Variants in MED1 observed in about 807,000 individuals in gnomAD.
The protein encoded by MED1 is mediator complex subunit 1, also known as mediator of RNA polymerase II transcription subunit 1.
Under a neutral mutation model 121.3 loss-of-function variants are expected in MED1, and 17 were observed. The ratio of observed to expected loss-of-function variants is 0.14; its 90% CI spans 0.10 to 0.21. The LOEUF is 0.21. MED1 is among the 10% of genes least tolerant of loss of function. MED1 has a pLI of 1.00. For synonymous variants in MED1, 661 were observed against 694.4 expected (o/e 0.95, Z 0.76); for missense variants, 1,558 against 1,919.4 (o/e 0.81, Z 3.52).
At chr17:39,434,397 C>A in intron 6 of MED1, 77 bp from the exon 7 acceptor site, 2 of 714,520 alleles carry the variant, frequency 2.8e-6, no homozygotes, top group Non-Finnish European at 4.6e-6. Context: ...CAACAAAGTG[C>A]CAAAAATCAC....
Position 39,410,330 on chromosome 17 carries a change from G to A in MED1, c.1891C>T (p.Pro631Ser), listed in dbSNP as rs202002635. The change falls in exon 17 of 17, where the codon CCT becomes TCT. Residue 631 changes from proline (P) to serine (S), a missense_variant. By Grantham distance (74) the Pro-to-Ser change is moderately conservative. Transcript: ENST00000300651. Reference sequence around the variant, plus strand: ...GTGTTGCCGGCCATCGAAGAGACAGGTGGCGGCGTGTGATGAGGAGGGGTC... The same window carrying A: ...GTGTTGCCGGCCATCGAAGAGACAGATGGCGGCGTGTGATGAGGAGGGGTC... ...SPTPPHHTPP[P>S]VSSMAGNTKN... The A allele has an allele frequency of 1.2e-6, 2 of 1,613,954 alleles. No individual in the cohort carries two copies. The highest frequency in any genetic ancestry group is 1.7e-6 in the Non-Finnish European group (2 of 1,179,988).
chr17:39,436,639 A>T (rs913265672), intron 6 of MED1, among the ~76,000 whole-genome samples: 1 of 152,184 alleles, frequency 6.6e-6, no homozygotes, highest in African/African-American at 2.4e-5. Flanking sequence ...TGTAACACAC[A>T]TGTACCTTCT....
chr17:39,415,172 TTC>T (rs1567641393), intron 15 of MED1, 41 bp from the exon 16 acceptor site: 1 of 1,608,104 alleles, frequency 6.2e-7, no homozygotes. Context: ...TAGATTTAGC[TTC>T]TGACTTTTCC....
intron 16 of MED1, among the ~76,000 whole-genome samples, chr17:39,412,819 AC>A (rs1567640384): frequency 6.6e-6 from 1 of 151,522 alleles, no homozygotes; most frequent in African/African-American, 2.4e-5. Flanking sequence ...TACAGGGGTG[AC>A]CCCCGCACCC....
intron 6 of MED1, among the ~76,000 whole-genome samples, chr17:39,438,742 G>A (rs2048643888): frequency 1.3e-5 from 2 of 152,066 alleles, no homozygotes; most frequent in Admixed American, 6.6e-5. Flanking sequence ...CAAAGTGCTG[G>A]GATTACAGGC....
intron 16 of MED1, among the ~76,000 whole-genome samples, chr17:39,412,142 CT>C (rs1407547250): frequency 6.6e-6 from 1 of 151,056 alleles, no homozygotes; most frequent in Non-Finnish European, 1.5e-5. Context: ...AAGCAAAGCA[CT>C]TTTTATTTTC....
intron 2 of MED1, among the ~76,000 whole-genome samples, chr17:39,444,894 C>CA (rs1032996278): frequency 6.6e-6 from 1 of 150,822 alleles, no homozygotes; most frequent in African/African-American, 2.4e-5. Flanking sequence ...AACAAACAAA[C>CA]AAAAAAAAAC....
At chr17:39,436,348 A>G (rs189377033) in intron 6 of MED1, among the ~76,000 whole-genome samples, 2,045 of 145,644 alleles carry the variant, frequency 0.014, 21 homozygotes, top group Middle Eastern at 0.035. Context: ...GCGACAGAGC[A>G]AGACTCCAAC....
chr17:39,432,769 C>A (rs1297717890), intron 7 of MED1, among the ~76,000 whole-genome samples: 6 of 146,726 alleles, frequency 4.1e-5, no homozygotes, highest in Non-Finnish European at 7.5e-5. Context: ...AAAACAAAAA[C>A]CAAAAAAAAA....
chr17:39,438,801 T>C (rs2048644589), intron 6 of MED1, among the ~76,000 whole-genome samples: 1 of 152,110 alleles, frequency 6.6e-6, no homozygotes, highest in South Asian at 2.1e-4. Flanking sequence ...ATACAAAAAT[T>C]AGCTGGGCAT....
chr17:39,441,324 T>A (rs1320930706), intron 3 of MED1, among the ~76,000 whole-genome samples: 1 of 152,156 alleles, frequency 6.6e-6, no homozygotes, highest in Non-Finnish European at 1.5e-5. Context: ...GAATGGGACA[T>A]TACAGAATGT....
intron 1 of MED1, among the ~76,000 whole-genome samples, chr17:39,449,592 A>C (rs2048762104): frequency 1.4e-5 from 2 of 147,902 alleles, no homozygotes; most frequent in Admixed American, 6.8e-5. Flanking sequence ...GGCTCACTGC[A>C]ACCTCCACCT....
chr17:39,421,008 G>A (rs1297210217), intron 13 of MED1, among the ~76,000 whole-genome samples: 3 of 151,504 alleles, frequency 2.0e-5, no homozygotes, highest in Admixed American at 6.6e-5. Flanking sequence ...ATGTTGGCCA[G>A]GATGGTCTCG....
chr17:39,405,317 A>T lies in MED1; in HGVS notation c.*2158T>A. Reference sequence around the variant, plus strand: ...ACTCGGGATTCTTTGATCTGGGATGAAGACAGAAAGAGAGAAAAGCTTCCC... The same window carrying T: ...ACTCGGGATTCTTTGATCTGGGATGTAGACAGAAAGAGAGAAAAGCTTCCC... On this transcript the variant is annotated 3_prime_UTR_variant, in exon 17 of 17. Transcript: ENST00000300651. 1 of 1,601,770 alleles carries T rather than the reference A, an allele frequency of 6.2e-7. No individual in the cohort carries two copies. The highest frequency in any genetic ancestry group is 1.1e-5 in the South Asian group (1 of 88,676).
In MED1 at chr17:39,448,597, A is replaced by T. The variant is rs531422509; in HGVS notation, c.26-693T>A. Among the ~76,000 whole-genome samples, 662 of 151,378 alleles carry T rather than the reference A, an allele frequency of 4.4e-3. 2 individuals carry two copies. Among genetic ancestry groups the T allele is most frequent in the African/African-American group, 0.015 (623 of 41,228 alleles). ...TGAACTGGGCTAGAGAGGAAAATTT[A>T]AAAAAAAGAAAAAAAATAAATGAAA... is the stretch of plus-strand genomic sequence containing the variant. On this transcript the variant is annotated intron_variant, in intron 1 of 16. Coordinates refer to ENST00000300651, the MANE Select transcript of MED1 (RefSeq NM_004774.4).
chr17:39,420,716 T>A (rs2048454690), intron 13 of MED1, among the ~76,000 whole-genome samples: 1 of 151,200 alleles, frequency 6.6e-6, no homozygotes, highest in Non-Finnish European at 1.5e-5. Flanking sequence ...CTCATTGCAA[T>A]CTCTACCTCC....
chr17:39,408,648 T>A lies in MED1; in HGVS notation c.3573A>T (p.Ile1191=), dbSNP rs1425560261. 6.2e-7 allele frequency: 1 copy of A among 1,614,010 alleles called. No homozygotes were observed. Among genetic ancestry groups the A allele is most frequent in the Non-Finnish European group, 8.5e-7 (1 of 1,179,992 alleles). ...LMNPSLSKPN[I]SPSHSRPPGG... is the part of the protein sequence containing the mutation. ...CAGGTGGCCTTGAATGAGAAGGGGATATGTTTGGTTTACTTAAAGAAGGAT... is the reference window on the plus strand; with the variant it reads ...CAGGTGGCCTTGAATGAGAAGGGGAAATGTTTGGTTTACTTAAAGAAGGAT... Residue 1191 remains isoleucine (I), a synonymous_variant, in exon 17 of 17, where the codon ATA becomes ATT. Coordinates refer to ENST00000300651, the MANE Select transcript of MED1 (RefSeq NM_004774.4). This position sits in a 1 kb window ranked among gnomAD's most constrained non-coding sequence, Gnocchi z 4.7.
At chr17:39,416,719 C>T (rs2048412682) in intron 14 of MED1, among the ~76,000 whole-genome samples, 1 of 152,138 alleles carries the variant, frequency 6.6e-6, no homozygotes, top group Admixed American at 6.6e-5. Flanking sequence ...AGCACAGTGG[C>T]TCATGCCTGT....
intron 6 of MED1, among the ~76,000 whole-genome samples, chr17:39,438,029 G>A (rs2048636191): frequency 6.6e-6 from 1 of 151,410 alleles, no homozygotes; most frequent in African/African-American, 2.4e-5. Context: ...TAGGTAACAA[G>A]AACAAAACTC....
Sources: allele counts gnomAD v4.1 joint callset (sites outside exome capture counted in the v4.1 genomes callset), GRCh38; gene constraint gnomAD v4.1.1; non-coding constraint Gnocchi (gnomAD v3.1); transcripts MANE v1.5; gene names NCBI Gene and HGNC (gene_info 2026-07-23, HGNC 2026-07-21).